The following GCNT2 variants were observed in gnomAD, a reference collection of about 807,000 sequenced individuals.
GCNT2 encodes the protein N-acetyllactosaminide beta-1,6-N-acetylglucosaminyl-transferase.
In GCNT2, 34 loss-of-function variants were observed where a neutral mutation model predicts 34.2. The observed-to-expected ratio is 1.00, with a 90% CI of 0.76 to 1.32. The LOEUF is 1.32. GCNT2 is among the 40% of genes most tolerant of loss of function. The probability of loss-of-function intolerance (pLI) is 0.00; values close to 1 mark genes in which losing one functional copy is unlikely to be tolerated. For synonymous variants in GCNT2, 212 were observed against 188.0 expected (o/e 1.13, Z -1.04); for missense variants, 584 against 489.4 (o/e 1.19, Z -1.82).
intron 3 of GCNT2, among the ~76,000 whole-genome samples, chr6:10,548,073 C>T (rs1185168157): frequency 1.3e-5 from 2 of 152,038 alleles, no homozygotes; most frequent in Non-Finnish European, 2.9e-5. Context: ...AAGAAGGAAG[C>T]CCTGGTTCTA....
intron 3 of GCNT2, among the ~76,000 whole-genome samples, chr6:10,599,266 C>A (rs940682141): frequency 5.9e-5 from 9 of 152,148 alleles, no homozygotes; most frequent in Admixed American, 2.0e-4. Flanking sequence ...CGTCAGTCCA[C>A]GTACTGCAAC....
At chr6:10,574,114 C>G (rs1763680628) in intron 3 of GCNT2, among the ~76,000 whole-genome samples, 1 of 152,180 alleles carries the variant, frequency 6.6e-6, no homozygotes, top group South Asian at 2.1e-4. Context: ...GGTCAGCGTT[C>G]TTAATGTCTC....
rs141990682 is a variant in GCNT2, at chr6:10,585,419, G to T, written c.926-35932G>T. ...AACACTAAAATGAAAAGAGGTGGCA[G>T]AGAACAGGAAGAGAAAGAAACCAGA... is the stretch of plus-strand genomic sequence containing the variant. On this transcript the variant is annotated intron_variant, in intron 3 of 4. Transcript: ENST00000495262. Among the ~76,000 whole-genome samples the T allele has an allele frequency of 5.5e-3, 845 of 152,274 alleles. 6 individuals carry two copies. The highest frequency in any genetic ancestry group is 8.1e-3 in the Non-Finnish European group (550 of 68,022).
chr6:10,570,037 C>T (rs1254868633), intron 3 of GCNT2, among the ~76,000 whole-genome samples: 2 of 151,694 alleles, frequency 1.3e-5, no homozygotes, highest in Non-Finnish European at 2.9e-5. Context: ...GGCGTGATCA[C>T]GGCTCACAGC....
intron 3 of GCNT2, among the ~76,000 whole-genome samples, chr6:10,577,951 CACCACCACCATG>C (rs1479582681): frequency 6.6e-6 from 1 of 152,154 alleles, no homozygotes; most frequent in African/African-American, 2.4e-5. Context: ...TGATTTAACC[CACCACCACCATG>C]ACCACCCCTC....
At chr6:10,542,302 G>A (rs1184600269) in intron 3 of GCNT2, among the ~76,000 whole-genome samples, 1 of 152,056 alleles carries the variant, frequency 6.6e-6, no homozygotes, top group Non-Finnish European at 1.5e-5. Flanking sequence ...ACACTGCTAC[G>A]CACTAAACTA....
intron 3 of GCNT2, chr6:10,574,651 T>G: frequency 3.5e-6 from 1 of 289,358 alleles, no homozygotes; most frequent in East Asian, 8.1e-5. Context: ...ATGGGCTAAA[T>G]CTGCCTATTT....
At chr6:10,617,747 C>CTGCTTTTTTT (rs1765847269) in intron 3 of GCNT2, among the ~76,000 whole-genome samples, 1 of 114,296 alleles carries the variant, frequency 8.7e-6, no homozygotes, top group African/African-American at 4.2e-5. Flanking sequence ...GTCTGCATTT[C>CTGCTTTTTTT]TTCTTTTTTT....
intron 3 of GCNT2, among the ~76,000 whole-genome samples, chr6:10,606,197 C>T (rs909823247): frequency 1.3e-5 from 2 of 152,214 alleles, no homozygotes; most frequent in African/African-American, 4.8e-5. Context: ...TGCCTGTAAT[C>T]CCGACTACTC....
intron 4 of GCNT2, 185 bp downstream of exon 4, chr6:10,621,628 G>A: frequency 1.6e-6 from 1 of 626,566 alleles, no homozygotes; most frequent in Non-Finnish European, 2.9e-6. Context: ...TCTCATTGAT[G>A]TTCTCTAACT....
intron 3 of GCNT2, among the ~76,000 whole-genome samples, chr6:10,561,272 C>T (rs1762968381): frequency 6.6e-6 from 1 of 152,192 alleles, no homozygotes; most frequent in African/African-American, 2.4e-5. Context: ...AAGCGATTCT[C>T]CTGCCTCAGC....
At position 10,539,180 on chromosome 6, in the gene GCNT2, C is replaced by CTCTTTTTTT. The variant is rs1554127323; in HGVS notation, c.925+9345_925+9346insCTTTTTTTT. ...AGCCTATCTCTACAGCTCACCGTCT[C>CTCTTTTTTT]TTTTTTTTTTTTTTTTTTTTTTTTT... On this transcript the variant is annotated intron_variant, in intron 3 of 4. Coordinates refer to ENST00000495262, the MANE Select transcript of GCNT2 (RefSeq NM_145649.5). Among the ~76,000 whole-genome samples, 10 of 65,326 alleles carry CTCTTTTTTT rather than the reference C, an allele frequency of 1.5e-4. No individual in the cohort carries two copies. The East Asian group carries it at 3.9e-3, about 26-fold the overall frequency. 42.9% of individuals were successfully genotyped at this position (65,326 alleles called of 152,430 possible).
At chr6:10,586,392 G>A in intron 3 of GCNT2, 1 of 1,614,190 alleles carries the variant, frequency 6.2e-7, no homozygotes, top group Non-Finnish European at 8.5e-7. Context: ...AGCCCCAGCT[G>A]AGTATAAGGA....
chr6:10,554,825 A>T (rs1186458576), intron 3 of GCNT2, among the ~76,000 whole-genome samples: 1 of 152,062 alleles, frequency 6.6e-6, no homozygotes, highest in African/African-American at 2.4e-5. Context: ...TTATATAGAG[A>T]GTTTATTTAG....
intron 3 of GCNT2, among the ~76,000 whole-genome samples, chr6:10,563,924 A>T (rs1214424866): frequency 6.6e-6 from 1 of 151,776 alleles, no homozygotes; most frequent in Non-Finnish European, 1.5e-5. Flanking sequence ...AACCCAGTTT[A>T]ATGAATTCTT....
intron 3 of GCNT2, chr6:10,556,023 G>T (rs1762683337): frequency 1.8e-6 from 2 of 1,134,666 alleles, no homozygotes; most frequent in Non-Finnish European, 1.1e-6. Context: ...CTCATTCCCT[G>T]AATGGCAGTA....
intron 3 of GCNT2, among the ~76,000 whole-genome samples, chr6:10,533,545 T>C (rs750763010): frequency 2.6e-5 from 4 of 151,862 alleles, no homozygotes; most frequent in African/African-American, 4.8e-5. Flanking sequence ...CCCAGCACTT[T>C]GGGGAGCCGA....
intron 3 of GCNT2, among the ~76,000 whole-genome samples, chr6:10,609,322 A>G (rs1332946850): frequency 2.6e-5 from 4 of 152,236 alleles, no homozygotes; most frequent in Admixed American, 2.6e-4. Context: ...AAGAGAGCAC[A>G]TAAGAGTGAG....
chr6:10,539,000 A>G (rs1761912808), intron 3 of GCNT2, among the ~76,000 whole-genome samples: 1 of 152,142 alleles, frequency 6.6e-6, no homozygotes, highest in African/African-American at 2.4e-5. Flanking sequence ...CAGCTGGAGT[A>G]TAGTCAGATG....
Sources: allele counts gnomAD v4.1 joint callset (sites outside exome capture counted in the v4.1 genomes callset), GRCh38; gene constraint gnomAD v4.1.1; transcripts MANE v1.5; gene names NCBI Gene and HGNC (gene_info 2026-07-23, HGNC 2026-07-21).